The following DNM3 variants were observed in gnomAD, a reference collection of about 807,000 sequenced individuals.
DNM3 encodes dynamin-3.
A neutral mutation model predicts 101.6 loss-of-function variants in DNM3; 47 were observed. The observed-to-expected ratio is 0.46, with a 90% CI of 0.37 to 0.59. DNM3 has a LOEUF of 0.59. Among genes scored for constraint, DNM3 ranks in the 20% least tolerant of loss-of-function variants. The pLI is 0.00. For missense variants in DNM3, 849 were observed against 1,085.7 expected, an observed-to-expected ratio of 0.78 and a Z score of 3.06; for synonymous variants, 385 against 387.9, an observed-to-expected ratio of 0.99 and a Z score of 0.09.
At chr1:171,910,860 C>G (rs2039235063) in intron 1 of DNM3, among the ~76,000 whole-genome samples, 2 of 152,108 alleles carry the variant, frequency 1.3e-5, no homozygotes, top group Non-Finnish European at 2.9e-5. Flanking sequence ...TTGGAAAAAA[C>G]AGGAGGGGCA....
At chr1:172,368,754 C>G (rs536990569) in intron 17 of DNM3, among the ~76,000 whole-genome samples, 1 of 151,652 alleles carries the variant, frequency 6.6e-6, no homozygotes, top group Admixed American at 6.6e-5. Context: ...AAATAAAATC[C>G]ATAATGAAAA....
intron 15 of DNM3, among the ~76,000 whole-genome samples, chr1:172,283,759 CAAAAAAAA>C (rs769812358): frequency 2.0e-4 from 8 of 40,296 alleles, no homozygotes; most frequent in African/African-American, 4.9e-4. Flanking sequence ...GACTCCATCT[CAAAAAAAA>C]AAAAAAAAAA....
At chr1:172,248,317 GT>G (rs1411781414) in intron 14 of DNM3, among the ~76,000 whole-genome samples, 1 of 152,142 alleles carries the variant, frequency 6.6e-6, no homozygotes, top group East Asian at 1.9e-4. Flanking sequence ...GGCCCAGCAT[GT>G]TGGGGTTTTA....
chr1:172,392,701 A>G (rs1015202803), intron 20 of DNM3, among the ~76,000 whole-genome samples: 5 of 152,066 alleles, frequency 3.3e-5, no homozygotes, highest in African/African-American at 9.7e-5. Flanking sequence ...GGACTAAGCT[A>G]TTTTGCAATA....
intron 14 of DNM3, among the ~76,000 whole-genome samples, chr1:172,194,212 TG>T (rs1404000950): frequency 6.6e-6 from 1 of 152,214 alleles, no homozygotes; most frequent in Non-Finnish European, 1.5e-5. Context: ...TTGACTGCAC[TG>T]TGGTCTGAGA....
At chr1:171,974,889 TCTTGGTCTGTCAC>T (rs2044262106) in intron 2 of DNM3, among the ~76,000 whole-genome samples, 1 of 150,954 alleles carries the variant, frequency 6.6e-6, no homozygotes, top group South Asian at 2.1e-4. Flanking sequence ...TGAGTTGGGG[TCTTGGTCTGTCAC>T]CCAGGCTGGA....
intron 1 of DNM3, among the ~76,000 whole-genome samples, chr1:171,900,883 C>G (rs916279198): frequency 6.6e-6 from 1 of 151,418 alleles, no homozygotes; most frequent in Admixed American, 6.6e-5. Context: ...CCGAGGCGGG[C>G]GGATCACGAG....
At chr1:172,361,599 A>G (rs56259646) in intron 17 of DNM3, among the ~76,000 whole-genome samples, 23,119 of 151,894 alleles carry the variant, frequency 0.15, 2,151 homozygotes, top group Non-Finnish European at 0.21. Flanking sequence ...ATAATATTTG[A>G]GGGTGGAGCC....
At chr1:171,894,072 T>C (rs1245109678) in intron 1 of DNM3, among the ~76,000 whole-genome samples, 2 of 152,082 alleles carry the variant, frequency 1.3e-5, no homozygotes, top group African/African-American at 4.8e-5. Context: ...TCTGCCCACC[T>C]CGGCCTCCCA....
chr1:172,151,690 G>C (rs888483966), intron 14 of DNM3, among the ~76,000 whole-genome samples: 3 of 152,082 alleles, frequency 2.0e-5, no homozygotes, highest in Admixed American at 2.0e-4. Context: ...AGAATATGTG[G>C]GGTGGTCTCA....
intron 13 of DNM3, among the ~76,000 whole-genome samples, chr1:172,109,285 T>G (rs1410849253): frequency 6.6e-6 from 1 of 152,258 alleles, no homozygotes; most frequent in Non-Finnish European, 1.5e-5. Context: ...TTCTTCCTGT[T>G]GACCTGCTGT....
chr1:172,395,712 G>T (rs886100240), intron 20 of DNM3, among the ~76,000 whole-genome samples: 10 of 152,184 alleles, frequency 6.6e-5, no homozygotes, highest in Non-Finnish European at 1.2e-4. Context: ...AAATCCTTTA[G>T]CTTACCATTG....
At chr1:172,131,418 G>C in intron 14 of DNM3, 130 bp downstream of exon 14, 1 of 701,814 alleles carries the variant, frequency 1.4e-6, no homozygotes, top group Non-Finnish European at 2.3e-6. Flanking sequence ...TGGAATGTTT[G>C]TTTAAAAAGG....
chr1:172,279,973 A>G (rs2255076), intron 15 of DNM3, among the ~76,000 whole-genome samples: 9,289 of 152,210 alleles, frequency 0.061, 358 homozygotes, highest in African/African-American at 0.099. Context: ...AAAAAAATTC[A>G]AATTTATCAT....
At chr1:172,111,463 C>T (rs929831658) in intron 13 of DNM3, among the ~76,000 whole-genome samples, 1 of 152,192 alleles carries the variant, frequency 6.6e-6, no homozygotes, top group African/African-American at 2.4e-5. Context: ...ACTTTATATA[C>T]ATTCATCTCA....
chr1:172,144,537 C>T (rs752094660), intron 14 of DNM3: 2 of 491,216 alleles, frequency 4.1e-6, no homozygotes. Context: ...CATGGCGTTG[C>T]TCTCCCTTGC....
chr1:172,412,622 C>T lies in DNM3; in HGVS notation c.*4781C>T, dbSNP rs878913089. ...TAGAATGGAATTTTTGAAGAAAAAT[C>T]TCAAAGCCTGTATCGTTCTTGAAGG... On this transcript the variant is annotated 3_prime_UTR_variant, in exon 21 of 21. Transcript: ENST00000627582. The T allele has an allele frequency of 1.0e-6, 1 of 985,752 alleles. No individual in the cohort carries two copies. Among genetic ancestry groups the T allele is most frequent in the Non-Finnish European group, 1.2e-6 (1 of 829,906 alleles). The allele number at this position is 985,752 out of a possible 1,614,324, so 61.1% of individuals were successfully genotyped here. A position where few individuals can be genotyped will look rare whatever the true frequency, so the allele number is the denominator to read the frequency against.
chr1:171,866,278 C>A (rs1325857179), intron 1 of DNM3, among the ~76,000 whole-genome samples: 1 of 152,168 alleles, frequency 6.6e-6, no homozygotes, highest in Non-Finnish European at 1.5e-5. Context: ...AGAATCCTAA[C>A]TTCTTGGCAT....
intron 4 of DNM3, among the ~76,000 whole-genome samples, chr1:171,992,444 G>C (rs1446082241): frequency 2.0e-5 from 3 of 152,004 alleles, no homozygotes; most frequent in Admixed American, 6.6e-5. Flanking sequence ...TGTCAGTCAG[G>C]AGTATGTCAT....
Sources: gnomAD v4.1 joint callset for allele counts (sites outside exome capture counted in the v4.1 genomes callset) on GRCh38, gnomAD v4.1.1 for gene constraint, MANE v1.5 for transcripts, NCBI Gene and HGNC (gene_info 2026-07-23, HGNC 2026-07-21) for gene names.